DPP6: variants seen among roughly 807,000 people sequenced by gnomAD.
The protein encoded by DPP6 is A-type potassium channel modulatory protein DPP6.
Under a neutral mutation model 122.6 loss-of-function variants are expected in DPP6, and 69 were observed. The ratio of observed to expected loss-of-function variants is 0.56; its 90% CI spans 0.46 to 0.69. The LOEUF (loss-of-function observed/expected upper bound fraction) is 0.69, where lower values mean the gene tolerates loss of function less well. Ranked by LOEUF, DPP6 falls within the 30% of genes least tolerant of loss-of-function variation. DPP6 has a pLI of 0.00. For synonymous variants in DPP6, 418 were observed against 433.1 expected (o/e 0.97, Z 0.43); for missense variants, 928 against 1,116.9 (o/e 0.83, Z 2.41).
intron 3 of DPP6, among the ~76,000 whole-genome samples, chr7:154,526,905 A>C (rs1827452629): frequency 6.6e-6 from 1 of 152,214 alleles, no homozygotes; most frequent in African/African-American, 2.4e-5. Context: ...CTTGTGGCCC[A>C]GTGATTATTG....
Position 154,375,263 on chromosome 7 carries a change from A to G in DPP6, c.244-70951A>G, listed in dbSNP as rs149777249. On this transcript the variant is annotated intron_variant, in intron 1 of 25. Transcript: ENST00000377770. ...AAGCAGAGGGAAGAGCAAATTCTAG[A>G]ACCCTTGAGTGGCTATATGCCTGGC... Among the ~76,000 whole-genome samples, 6 of 152,084 alleles carry G rather than the reference A, an allele frequency of 3.9e-5. No homozygotes were observed. The East Asian group carries it at 1.2e-3, about 30-fold the overall frequency.
intron 5 of DPP6, chr7:154,587,604 G>T: frequency 4.0e-6 from 6 of 1,508,554 alleles, no homozygotes; most frequent in Non-Finnish European, 5.3e-6. Flanking sequence ...CCATAGAAAT[G>T]GAATTGAGCT....
intron 1 of DPP6, among the ~76,000 whole-genome samples, chr7:154,274,967 C>T (rs1209122143): frequency 6.6e-6 from 1 of 152,262 alleles, no homozygotes; most frequent in East Asian, 1.9e-4. Flanking sequence ...CTGATGGGAT[C>T]CTTGTGCAGT....
intron 1 of DPP6, among the ~76,000 whole-genome samples, chr7:153,973,115 G>A (rs146969584): frequency 0.014 from 2,183 of 151,718 alleles, 45 homozygotes; most frequent in African/African-American, 0.05. Flanking sequence ...AATACAAGTC[G>A]CAAAAATTTT....
At chr7:154,473,762 C>A (rs1030842666) in intron 2 of DPP6, among the ~76,000 whole-genome samples, 1 of 152,052 alleles carries the variant, frequency 6.6e-6, no homozygotes, top group Admixed American at 6.6e-5. Context: ...GTCCAAAAAG[C>A]GTAACAGCCA....
chr7:154,200,143 C>T (rs988196509), intron 1 of DPP6, among the ~76,000 whole-genome samples: 7 of 152,162 alleles, frequency 4.6e-5, no homozygotes, highest in African/African-American at 1.4e-4. Context: ...CTTATTTAAT[C>T]AGTCCAGGGT....
At chr7:154,388,232 G>A (rs765947170) in intron 1 of DPP6, among the ~76,000 whole-genome samples, 2 of 152,104 alleles carry the variant, frequency 1.3e-5, no homozygotes, top group Non-Finnish European at 2.9e-5. Context: ...GAGCCTGAAA[G>A]GTCGAGCTGT....
chr7:154,625,775 G>A (rs1835029597), intron 5 of DPP6, among the ~76,000 whole-genome samples: 1 of 152,220 alleles, frequency 6.6e-6, no homozygotes, highest in Admixed American at 6.5e-5. Context: ...CAAGCCCCCT[G>A]TGCCTTTCCC....
At chr7:154,108,156 G>A (rs1043394202) in intron 1 of DPP6, among the ~76,000 whole-genome samples, 14 of 152,110 alleles carry the variant, frequency 9.2e-5, no homozygotes, top group African/African-American at 1.9e-4. Flanking sequence ...AGGATGATGC[G>A]TTAACTCTCT....
At chr7:154,395,217 G>A (rs1000647846) in intron 1 of DPP6, among the ~76,000 whole-genome samples, 8 of 152,100 alleles carry the variant, frequency 5.3e-5, no homozygotes, top group East Asian at 1.9e-4. Flanking sequence ...AATCTTATCC[G>A]TGAACATTCT....
At chr7:154,826,590 A>G (rs1181138754) in intron 16 of DPP6, among the ~76,000 whole-genome samples, 3 of 152,232 alleles carry the variant, frequency 2.0e-5, no homozygotes, top group Non-Finnish European at 4.4e-5. Context: ...AGAGCTACAA[A>G]TCAAACATGG....
intron 1 of DPP6, among the ~76,000 whole-genome samples, chr7:154,320,895 A>G (rs1807893216): frequency 1.3e-5 from 2 of 152,194 alleles, no homozygotes; most frequent in Admixed American, 1.3e-4. Context: ...TTCTGAGCAA[A>G]GGGTACTATT....
At chr7:154,710,450 T>A (rs1841111029) in intron 7 of DPP6, among the ~76,000 whole-genome samples, 2 of 152,208 alleles carry the variant, frequency 1.3e-5, no homozygotes, top group Non-Finnish European at 2.9e-5. Context: ...AGTGCCAGAG[T>A]GTTTCTTCAA....
chr7:154,745,046 C>G (rs1048175750), intron 8 of DPP6, among the ~76,000 whole-genome samples: 1 of 152,254 alleles, frequency 6.6e-6, no homozygotes, highest in Admixed American at 6.5e-5. Context: ...AAATGCTGGG[C>G]TATAGCCTGG....
At chr7:154,253,025 G>T (rs1183012672) in intron 1 of DPP6, among the ~76,000 whole-genome samples, 1 of 152,238 alleles carries the variant, frequency 6.6e-6, no homozygotes, top group Admixed American at 6.5e-5. Context: ...AAGAAGGGCT[G>T]CCTGTAATAA....
intron 7 of DPP6, among the ~76,000 whole-genome samples, chr7:154,693,854 T>C (rs6969204): frequency 0.92 from 139,579 of 152,188 alleles, 64,420 homozygotes; most frequent in South Asian, 1. Flanking sequence ...TGTCTAAGTC[T>C]GGGCAAAAAC....
chr7:154,189,162 G>A (rs1156806000), intron 1 of DPP6, among the ~76,000 whole-genome samples: 1 of 152,184 alleles, frequency 6.6e-6, no homozygotes, highest in Non-Finnish European at 1.5e-5. Context: ...CCAAAGAGGA[G>A]GTAAGATGAG....
chr7:153,832,523 A>G, the DPP6 span, among the ~76,000 whole-genome samples: 1 of 152,212 alleles, frequency 6.6e-6, no homozygotes. Flanking sequence ...ACTTTTCACA[A>G]GTTGCTTTTG....
chr7:153,780,236 G>T, the DPP6 span, among the ~76,000 whole-genome samples: 1 of 152,144 alleles, frequency 6.6e-6, no homozygotes, highest in African/African-American at 2.4e-5. Context: ...TTCCTGTAGA[G>T]TATTCTCATG....
Sources: gnomAD v4.1 joint callset for allele counts (sites outside exome capture counted in the v4.1 genomes callset) on GRCh38, gnomAD v4.1.1 for gene constraint, MANE v1.5 for transcripts, NCBI Gene and HGNC (gene_info 2026-07-23, HGNC 2026-07-21) for gene names.